Variants in GMPR observed in about 807,000 individuals in gnomAD.
GMPR encodes guanosine monophosphate reductase.
GMPR carries 31 observed loss-of-function variants against 38.4 expected under a neutral mutation model. The ratio of observed to expected loss-of-function variants is 0.81; its 90% CI spans 0.61 to 1.09. The LOEUF (loss-of-function observed/expected upper bound fraction) is 1.09, where lower values mean the gene tolerates loss of function less well. Ranked by LOEUF, GMPR falls within the 50% of genes least tolerant of loss-of-function variation. GMPR has a pLI of 0.00. For synonymous variants in GMPR, 162 were observed against 173.3 expected, an observed-to-expected ratio of 0.93 and a Z score of 0.51; for missense variants, 468 against 453.7, an observed-to-expected ratio of 1.03 and a Z score of -0.29.
intron 7 of GMPR, among the ~76,000 whole-genome samples, chr6:16,289,200 C>G (rs1198219148): frequency 6.6e-6 from 1 of 152,182 alleles, no homozygotes; most frequent in Non-Finnish European, 1.5e-5. Flanking sequence ...AGACCCCAAC[C>G]CCACCAGAAG....
Position 16,250,320 on chromosome 6 carries a change from C to G in GMPR, c.244C>G (p.Leu82Val). ...TACAGCAATTCATAAGCATTACTCC[C>G]TGGATGACTGGAAGCTCTTTGCCAC... The part of the protein sequence containing the change: ...MFTAIHKHYS[L>V]DDWKLFATNH... The change falls in exon 3 of 9, where the codon CTG (leucine) becomes GTG (valine). Residue 82 changes from leucine (L) to valine (V), a missense_variant. Transcript: ENST00000259727. 2 of 1,610,384 alleles carry G rather than the reference C, an allele frequency of 1.2e-6. No individual in the cohort carries two copies. The highest frequency in any genetic ancestry group is 1.7e-6 in the Non-Finnish European group (2 of 1,176,564).
In GMPR at chr6:16,246,714, C is replaced by T. The variant is rs1758762826; in HGVS notation, c.88-128C>T. ...GTGTCTTTGGAATACCTGTCTTTGA[C>T]CCCTAAGAGAATCCAGGGACCTTTG... On this transcript the variant is annotated intron_variant, in intron 1 of 8. Transcript: ENST00000259727. 3 of 845,420 alleles carry T rather than the reference C, an allele frequency of 3.5e-6. No homozygotes were observed. The East Asian group carries it at 7.4e-5, about 21-fold the overall frequency. 52.4% of individuals were successfully genotyped at this position (845,420 alleles called of 1,614,324 possible).
At chr6:16,274,367 A>G in intron 4 of GMPR, 48 bp from the exon 5 acceptor site, 1 of 1,185,294 alleles carries the variant, frequency 8.4e-7, no homozygotes, top group East Asian at 2.3e-5. Flanking sequence ...TCACCTTTAT[A>G]CCAGCAATAG....
At chr6:16,270,542 C>T (rs896938530) in intron 4 of GMPR, among the ~76,000 whole-genome samples, 6 of 152,200 alleles carry the variant, frequency 3.9e-5, no homozygotes, top group African/African-American at 7.2e-5. Flanking sequence ...AGAGGCTGCT[C>T]GAGGGCACAC....
At chr6:16,260,871 G>C (rs1410535052) in intron 4 of GMPR, among the ~76,000 whole-genome samples, 15 of 151,654 alleles carry the variant, frequency 9.9e-5, no homozygotes, top group Admixed American at 4.7e-4. Flanking sequence ...ACGTGGGAGG[G>C]TGGATTGAAG....
intron 3 of GMPR, among the ~76,000 whole-genome samples, chr6:16,252,295 T>C (rs1463945458): frequency 1.3e-5 from 2 of 152,158 alleles, no homozygotes; most frequent in African/African-American, 4.8e-5. Flanking sequence ...GTTTTGCTCT[T>C]GTCACCCAGA....
chr6:16,257,896 C>A (rs564499405), intron 4 of GMPR: 5 of 152,362 alleles, frequency 3.3e-5, no homozygotes, highest in African/African-American at 1.2e-4. Context: ...GATTCAGTTT[C>A]AGCATAGGAA....
chr6:16,261,935 AG>A (rs1471610216), intron 4 of GMPR, among the ~76,000 whole-genome samples: 9 of 151,910 alleles, frequency 5.9e-5, no homozygotes, highest in Non-Finnish European at 1.5e-5. Flanking sequence ...TAGTCAGGGA[AG>A]CAGATAATTT....
rs763187569 is a variant in GMPR, at chr6:16,278,801, C to T, written c.565C>T (p.Arg189Cys). Residue 189 changes from arginine (R) to cysteine (C), a missense_variant, in exon 6 of 9, where the codon CGC (arginine) becomes TGC (cysteine). Coordinates refer to ENST00000259727, the MANE Select transcript of GMPR (RefSeq NM_006877.4). Reference sequence around the variant, plus strand: ...CTGTGCAGGTTCTGTGTGCACCACCCGCACCAAGACGGGAGTGGGGTACCC... The same window carrying T: ...CTGTGCAGGTTCTGTGTGCACCACCTGCACCAAGACGGGAGTGGGGTACCC... ...GVGPGSVCTT[R>C]TKTGVGYPQL... is the part of the protein sequence containing the mutation. 1.2e-5 allele frequency: 20 copies of T among 1,612,944 alleles called. No homozygotes were observed. The East Asian group carries it at 1.8e-4, about 14-fold the overall frequency.
At chr6:16,279,405 C>T (rs1318714536) in intron 6 of GMPR, among the ~76,000 whole-genome samples, 1 of 152,156 alleles carries the variant, frequency 6.6e-6, no homozygotes, top group African/African-American at 2.4e-5. Flanking sequence ...GGATACTAGT[C>T]CTTTCAGATC....
intron 8 of GMPR, among the ~76,000 whole-genome samples, chr6:16,292,233 A>AT (rs1283056650): frequency 4.6e-5 from 7 of 151,992 alleles, no homozygotes; most frequent in Non-Finnish European, 1.0e-4. Flanking sequence ...ATTCAGATGT[A>AT]TTATATAAGG....
chr6:16,277,939 G>A (rs1011379385), intron 5 of GMPR, among the ~76,000 whole-genome samples: 2 of 152,112 alleles, frequency 1.3e-5, no homozygotes, highest in East Asian at 1.9e-4. Context: ...GGGTAAAGTG[G>A]GGTGCTGTGG....
At chr6:16,269,660 G>A (rs1759343177) in intron 4 of GMPR, among the ~76,000 whole-genome samples, 2 of 152,052 alleles carry the variant, frequency 1.3e-5, no homozygotes, top group South Asian at 4.1e-4. Flanking sequence ...AGCTGGGCGT[G>A]GTGTCACATG....
At chr6:16,289,635 T>G (rs1161770870) in intron 7 of GMPR, 2 of 151,546 alleles carry the variant, frequency 1.3e-5, no homozygotes, top group Non-Finnish European at 2.9e-5. Context: ...GGGTGGAGTT[T>G]TAGACGACTT....
At chr6:16,289,079 G>A (rs1037942778) in intron 7 of GMPR, among the ~76,000 whole-genome samples, 1 of 152,174 alleles carries the variant, frequency 6.6e-6, no homozygotes, top group East Asian at 1.9e-4. Context: ...GTGATTTGTT[G>A]TTTCGCTCTT....
At chr6:16,242,762 C>T (rs1443209900) in intron 1 of GMPR, among the ~76,000 whole-genome samples, 4 of 152,160 alleles carry the variant, frequency 2.6e-5, no homozygotes, top group Admixed American at 2.6e-4. Context: ...CCTCAGCCTC[C>T]CGAGTAACTG....
intron 4 of GMPR, chr6:16,262,056 G>C (rs899924517): frequency 1.3e-5 from 2 of 151,846 alleles, no homozygotes; most frequent in African/African-American, 2.4e-5. Context: ...GATTTTAAGA[G>C]GCTTAGAAGC....
intron 2 of GMPR, among the ~76,000 whole-genome samples, chr6:16,248,232 CAAAAAAAAAAAA>C (rs774386979): frequency 4.4e-5 from 2 of 45,148 alleles, no homozygotes; most frequent in Non-Finnish European, 8.0e-5. Context: ...GACCCTGTCT[CAAAAAAAAAAAA>C]AAAAAAAAAA....
intron 4 of GMPR, among the ~76,000 whole-genome samples, chr6:16,258,916 C>T (rs1262381788): frequency 6.6e-6 from 1 of 152,158 alleles, no homozygotes; most frequent in Non-Finnish European, 1.5e-5. Flanking sequence ...ACAAACGTTC[C>T]AGGAAGAAGC....
Sources: allele counts gnomAD v4.1 joint callset (sites outside exome capture counted in the v4.1 genomes callset), GRCh38; gene constraint gnomAD v4.1.1; transcripts MANE v1.5; gene names NCBI Gene and HGNC (gene_info 2026-07-23, HGNC 2026-07-21).